Variants in RBM20 observed in about 807,000 individuals in gnomAD.
The protein encoded by RBM20 is RNA binding motif protein 20.
RBM20 carries 51 observed loss-of-function variants against 110.1 expected under a neutral mutation model. The ratio of observed to expected loss-of-function variants is 0.46; its 90% CI spans 0.37 to 0.59. RBM20 has a LOEUF of 0.59. Ranked by LOEUF, RBM20 falls within the 20% of genes least tolerant of loss-of-function variation. The pLI, the probability that RBM20 is intolerant of heterozygous loss-of-function variation, is 0.00. For synonymous variants in RBM20, 589 were observed against 618.2 expected, an observed-to-expected ratio of 0.95 and a Z score of 0.70; for missense variants, 1,512 against 1,574.9, an observed-to-expected ratio of 0.96 and a Z score of 0.68.
At chr10:110,731,753 T>C (rs1410040265) in intron 1 of RBM20, among the ~76,000 whole-genome samples, 1 of 152,206 alleles carries the variant, frequency 6.6e-6, no homozygotes, top group African/African-American at 2.4e-5. Context: ...AAAAGCTGCA[T>C]TTTTTTGTCC....
chr10:110,778,560 G>A (rs1590672374), intron 1 of RBM20, among the ~76,000 whole-genome samples: 1 of 152,328 alleles, frequency 6.6e-6, no homozygotes, highest in East Asian at 1.9e-4. Flanking sequence ...TGTCCCAGTT[G>A]TGCAGTGTCT....
At chr10:110,717,822 T>C (rs1279748267) in intron 1 of RBM20, among the ~76,000 whole-genome samples, 1 of 152,172 alleles carries the variant, frequency 6.6e-6, no homozygotes, top group African/African-American at 2.4e-5. Context: ...CCTCACTCAC[T>C]GGAGTGGGCA....
At chr10:110,832,592 T>C (rs546603414) in intron 13 of RBM20, among the ~76,000 whole-genome samples, 1 of 152,088 alleles carries the variant, frequency 6.6e-6, no homozygotes, top group South Asian at 2.1e-4. Flanking sequence ...ATTAAGAAAA[T>C]TGAGACCCAG....
At chr10:110,797,741 C>A (rs1206669317) in intron 6 of RBM20, 93 bp downstream of exon 6, 3 of 1,330,004 alleles carry the variant, frequency 2.3e-6, no homozygotes, top group Non-Finnish European at 3.1e-6. Context: ...CCATTCTTAA[C>A]ATAAAGAGGC....
At chr10:110,656,146 C>G (rs1047997047) in intron 1 of RBM20, among the ~76,000 whole-genome samples, 3 of 151,940 alleles carry the variant, frequency 2.0e-5, no homozygotes, top group African/African-American at 4.8e-5. Context: ...ACTAAAAATA[C>G]AAAAAATTTG....
intron 1 of RBM20, among the ~76,000 whole-genome samples, chr10:110,711,402 C>T (rs956296607): frequency 2.0e-5 from 3 of 150,686 alleles, no homozygotes; most frequent in African/African-American, 7.3e-5. Context: ...CCACTGCCAC[C>T]TTTACCCCAA....
At chr10:110,823,722 T>C in intron 12 of RBM20, 108 bp downstream of exon 12, 1 of 1,217,724 alleles carries the variant, frequency 8.2e-7, no homozygotes, top group Non-Finnish European at 1.2e-6. Context: ...GTTGACATCG[T>C]TTTTTGTTCT....
rs1246058238 is a variant in RBM20, at chr10:110,838,883, A to G, written c.*2905A>G. 6.6e-6 allele frequency: 1 copy of G among 152,228 alleles called. No homozygotes were observed. Among genetic ancestry groups the G allele is most frequent in the Non-Finnish European group, 1.5e-5 (1 of 68,044 alleles). The allele number at this position is 152,228 out of a possible 1,614,324, so 9.4% of individuals were successfully genotyped here. On this transcript the variant is annotated 3_prime_UTR_variant, in exon 14 of 14. Transcript: ENST00000369519. Reference sequence around the variant, plus strand: ...TTTATTTTTATACAATTCCATTGGCATGGTCCTTCACCGACCCTATGATTT... The same window carrying G: ...TTTATTTTTATACAATTCCATTGGCGTGGTCCTTCACCGACCCTATGATTT...
intron 1 of RBM20, among the ~76,000 whole-genome samples, chr10:110,646,543 C>T (rs912690163): frequency 6.6e-6 from 1 of 152,174 alleles, no homozygotes. Context: ...GGACCAGGTC[C>T]CAGGGCTGTG....
chr10:110,687,230 T>C (rs1862518662), intron 1 of RBM20, among the ~76,000 whole-genome samples: 1 of 152,114 alleles, frequency 6.6e-6, no homozygotes, highest in Non-Finnish European at 1.5e-5. Flanking sequence ...AGTATGTAAG[T>C]CAAAGAGGCC....
rs946718543 is a variant in RBM20, at chr10:110,838,356, C to T, written c.*2378C>T. On this transcript the variant is annotated 3_prime_UTR_variant, in exon 14 of 14. Coordinates refer to ENST00000369519, the MANE Select transcript of RBM20 (RefSeq NM_001134363.3). ...TATCTCAAATAAAGTCTGAAGATCA[C>T]GGCTCAGCCCAGATTGTTCCCCTGG... 1.3e-5 allele frequency: 2 copies of T among 152,184 alleles called. No homozygotes were observed. Among genetic ancestry groups the T allele is most frequent in the Admixed American group, 1.3e-4 (2 of 15,288 alleles). The allele number at this position is 152,184 out of a possible 1,614,324, so 9.4% of individuals were successfully genotyped here. A position where few individuals can be genotyped will look rare whatever the true frequency, so the allele number is the denominator to read the frequency against.
At chr10:110,650,202 A>G (rs1861926430) in intron 1 of RBM20, among the ~76,000 whole-genome samples, 2 of 152,192 alleles carry the variant, frequency 1.3e-5, no homozygotes, top group South Asian at 4.1e-4. Context: ...GATATGTTGC[A>G]TATATCCATT....
chr10:110,806,148 A>G (rs1274991410), intron 7 of RBM20, among the ~76,000 whole-genome samples: 1 of 152,032 alleles, frequency 6.6e-6, no homozygotes, highest in Admixed American at 6.6e-5. Flanking sequence ...GGCACCTGTA[A>G]TCCCAGATGC....
intron 1 of RBM20, among the ~76,000 whole-genome samples, chr10:110,697,826 C>A (rs11195267): frequency 0.17 from 26,183 of 152,064 alleles, 2,543 homozygotes; most frequent in East Asian, 0.32. Context: ...ATTTTATCAG[C>A]GTATTCCCCA....
rs374505190 is a variant in RBM20, at chr10:110,693,474, A to G, written c.191+48829A>G. 6.3e-4 allele frequency among the ~76,000 whole-genome samples: 96 copies of G among 152,248 alleles called. 1 individual carries two copies. Among genetic ancestry groups the G allele is most frequent in the Non-Finnish European group, 8.8e-5 (6 of 67,998 alleles). On this transcript the variant is annotated intron_variant, in intron 1 of 13. Coordinates refer to ENST00000369519, the MANE Select transcript of RBM20 (RefSeq NM_001134363.3). ...GTCTTTTCATATTTTCTACTTCTTC[A>G]TGGGTCAGTTTTGGTAGATTGTATC...
At chr10:110,815,671 A>C (rs1311555577) in intron 9 of RBM20, among the ~76,000 whole-genome samples, 1 of 151,870 alleles carries the variant, frequency 6.6e-6, no homozygotes, top group East Asian at 1.9e-4. Context: ...CACTCCTGAG[A>C]CTCTGCCCTG....
rs1051700573 is a variant in RBM20 at position 110,821,820 on chromosome 10, G to T, written c.3201G>T (p.Lys1067Asn). ...CAAGCCCATTTGTGGATGATTGCAA[G>T]ACCAGGGGGACCCCCGAAGATGGGG... ...RQPSPFVDDC[K>N]TRGTPEDGAC... The change falls in exon 11 of 14, where the codon AAG becomes AAT. Residue 1067 changes from lysine to asparagine, a missense_variant. Lys to Asn is a moderately conservative substitution (Grantham distance 94). This residue lies in a region of RBM20 where 358 missense variants were observed against 384.2 expected (regional missense o/e 0.93). Coordinates refer to ENST00000369519, the MANE Select transcript of RBM20 (RefSeq NM_001134363.3). 6.4e-7 allele frequency: 1 copy of T among 1,551,742 alleles called. No individual in the cohort carries two copies. Among genetic ancestry groups the T allele is most frequent in the East Asian group, 2.4e-5 (1 of 40,918 alleles).
intron 1 of RBM20, chr10:110,756,571 C>T (rs546454432): frequency 1.3e-5 from 2 of 152,372 alleles, no homozygotes; most frequent in South Asian, 4.1e-4. Context: ...CACATTCCTC[C>T]CACATCTGGG....
At chr10:110,659,715 T>TTTTTC (rs941387902) in intron 1 of RBM20, among the ~76,000 whole-genome samples, 2 of 152,226 alleles carry the variant, frequency 1.3e-5, no homozygotes, top group African/African-American at 4.8e-5. Flanking sequence ...TCTGTTCTTT[T>TTTTTC]TTTTCTTTTC....
Sources: gnomAD v4.1 joint callset for allele counts (sites outside exome capture counted in the v4.1 genomes callset) on GRCh38, gnomAD v4.1.1 for gene constraint, gnomAD v4.1.1 regional missense constraint, MANE v1.5 for transcripts, NCBI Gene and HGNC (gene_info 2026-07-23, HGNC 2026-07-21) for gene names.